PALM2AKAP2: variants seen among roughly 807,000 people sequenced by gnomAD.
PALM2AKAP2 encodes PALM2-AKAP2 fusion protein.
In PALM2AKAP2, 37 loss-of-function variants were observed where a neutral mutation model predicts 71.5. The observed-to-expected ratio is 0.52, with a 90% CI of 0.40 to 0.68. The LOEUF is 0.68. PALM2AKAP2 is among the 30% of genes least tolerant of loss of function. The pLI is 0.00. For synonymous variants in PALM2AKAP2, 468 were observed against 478.8 expected (o/e 0.98, Z 0.29); for missense variants, 1,224 against 1,191.8 (o/e 1.03, Z -0.40).
rs183347035 is a variant in PALM2AKAP2, at chr9:109,887,884, C to T, written c.257+7203C>T. ...AGTGAAATTACACTAACGTGCACCTCGTGATGTAGGAGGAGGGACAGGTAA... is the reference window on the plus strand; with the variant it reads ...AGTGAAATTACACTAACGTGCACCTTGTGATGTAGGAGGAGGGACAGGTAA... On this transcript the variant is annotated intron_variant, in intron 3 of 9. Transcript: ENST00000302798. Among the ~76,000 whole-genome samples the T allele has an allele frequency of 5.9e-5, 9 of 152,294 alleles. No homozygotes were observed. The East Asian group carries it at 9.7e-4, about 16-fold the overall frequency.
chr9:110,101,684 T>C (rs955435483), intron 1 of PALM2AKAP2, among the ~76,000 whole-genome samples: 1 of 152,204 alleles, frequency 6.6e-6, no homozygotes, highest in African/African-American at 2.4e-5. Context: ...CCACGGCCTC[T>C]CTGGAGGGGA....
intron 1 of PALM2AKAP2, among the ~76,000 whole-genome samples, chr9:109,761,387 C>T (rs1025096730): frequency 2.6e-5 from 4 of 151,896 alleles, no homozygotes; most frequent in Non-Finnish European, 4.4e-5. Context: ...CTTTAAGTTT[C>T]GGGATACATG....
chr9:109,783,997 A>G (rs1016909950), intron 1 of PALM2AKAP2, among the ~76,000 whole-genome samples: 1 of 152,244 alleles, frequency 6.6e-6, no homozygotes. Context: ...ATGAGAAAAG[A>G]TGACTCTTAT....
chr9:109,800,889 C>A (rs904884525), intron 1 of PALM2AKAP2, among the ~76,000 whole-genome samples: 2 of 152,182 alleles, frequency 1.3e-5, no homozygotes, highest in African/African-American at 2.4e-5. Flanking sequence ...GGAAGAATGA[C>A]GTCTTAGGAC....
intron 3 of PALM2AKAP2, among the ~76,000 whole-genome samples, chr9:110,163,292 C>A (rs1836649267): frequency 6.6e-6 from 1 of 152,004 alleles, no homozygotes; most frequent in Admixed American, 6.6e-5. Flanking sequence ...GTTCTAGGTT[C>A]CAAGAATACA....
At chr9:109,872,412 G>A (rs1282074345) in intron 2 of PALM2AKAP2, among the ~76,000 whole-genome samples, 1 of 152,170 alleles carries the variant, frequency 6.6e-6, no homozygotes, top group East Asian at 1.9e-4. Context: ...CACAGAGTAG[G>A]CACTGAGTAC....
At chr9:110,011,470 T>C (rs1050516658) in intron 6 of PALM2AKAP2, among the ~76,000 whole-genome samples, 1 of 152,136 alleles carries the variant, frequency 6.6e-6, no homozygotes, top group African/African-American at 2.4e-5. Flanking sequence ...TGAAAGCTGA[T>C]GTTAAAAGTC....
At chr9:109,823,869 A>G (rs1188909203) in intron 1 of PALM2AKAP2, among the ~76,000 whole-genome samples, 2 of 152,156 alleles carry the variant, frequency 1.3e-5, no homozygotes, top group African/African-American at 2.4e-5. Context: ...TCCAGTTTGT[A>G]TATTCTTTCA....
chr9:110,142,068 CTTT>C (rs994621645), intron 2 of PALM2AKAP2, among the ~76,000 whole-genome samples: 1 of 121,838 alleles, frequency 8.2e-6, no homozygotes, highest in Non-Finnish European at 1.8e-5. Flanking sequence ...TCTTATTTTA[CTTT>C]TTTTTTTTTT....
At chr9:110,010,858 T>C (rs1303904264) in intron 6 of PALM2AKAP2, among the ~76,000 whole-genome samples, 1 of 148,068 alleles carries the variant, frequency 6.8e-6, no homozygotes, top group Non-Finnish European at 1.5e-5. Flanking sequence ...TAGCCGGGCA[T>C]GGTGGTACAT....
chr9:110,139,094 C>T (rs952029517), intron 2 of PALM2AKAP2, among the ~76,000 whole-genome samples: 4 of 152,220 alleles, frequency 2.6e-5, no homozygotes, highest in Non-Finnish European at 5.9e-5. Context: ...CTTCTTAAGT[C>T]ACCACAAAGC....
At chr9:110,120,615 G>C (rs1235261257) in intron 1 of PALM2AKAP2, among the ~76,000 whole-genome samples, 2 of 152,136 alleles carry the variant, frequency 1.3e-5, no homozygotes, top group African/African-American at 4.8e-5. Flanking sequence ...TGATTCTCCT[G>C]CCCTCAGCCT....
intron 1 of PALM2AKAP2, among the ~76,000 whole-genome samples, chr9:110,097,468 T>C (rs1292058167): frequency 5.4e-5 from 8 of 149,418 alleles, no homozygotes; most frequent in African/African-American, 1.2e-4. Flanking sequence ...AGCTGTTGGG[T>C]ACACCTCCCA....
At chr9:110,031,967 T>C (rs1014964644) in intron 7 of PALM2AKAP2, among the ~76,000 whole-genome samples, 1 of 151,822 alleles carries the variant, frequency 6.6e-6, no homozygotes, top group African/African-American at 2.4e-5. Context: ...AGCATTCTGA[T>C]TACATTTCTC....
At chr9:109,883,300 G>C (rs1829896165) in intron 3 of PALM2AKAP2, among the ~76,000 whole-genome samples, 1 of 152,198 alleles carries the variant, frequency 6.6e-6, no homozygotes, top group Admixed American at 6.5e-5. Context: ...TTTAGAGCTA[G>C]AATCCCAAGC....
chr9:110,042,291 T>C (rs1295813415), intron 7 of PALM2AKAP2, among the ~76,000 whole-genome samples: 1 of 152,072 alleles, frequency 6.6e-6, no homozygotes, highest in African/African-American at 2.4e-5. Flanking sequence ...CTGGGCATGG[T>C]GGTGTGTGCC....
intron 3 of PALM2AKAP2, among the ~76,000 whole-genome samples, chr9:110,167,351 A>T (rs2119288277): frequency 6.6e-6 from 1 of 152,360 alleles, no homozygotes; most frequent in African/African-American, 2.4e-5. Context: ...TCAAAATCAG[A>T]AACTGTACAT....
intron 1 of PALM2AKAP2, among the ~76,000 whole-genome samples, chr9:109,812,596 C>T (rs773342502): frequency 2.6e-5 from 4 of 152,132 alleles, no homozygotes; most frequent in Non-Finnish European, 5.9e-5. Context: ...GCCAGCACAC[C>T]GTTTATTTCA....
intron 3 of PALM2AKAP2, among the ~76,000 whole-genome samples, chr9:109,906,615 A>G (rs1830452713): frequency 6.6e-6 from 1 of 152,206 alleles, no homozygotes; most frequent in South Asian, 2.1e-4. Context: ...AAATCAATAA[A>G]TGGAACCTTC....
Sources: gnomAD v4.1 joint callset for allele counts (sites outside exome capture counted in the v4.1 genomes callset) on GRCh38, gnomAD v4.1.1 for gene constraint, MANE v1.5 for transcripts, NCBI Gene and HGNC (gene_info 2026-07-23, HGNC 2026-07-21) for gene names.